The following DSTN variants were observed in gnomAD, a reference collection of about 807,000 sequenced individuals.
DSTN encodes destrin.
Under a neutral mutation model 16.8 loss-of-function variants are expected in DSTN, and 10 were observed. That is an observed-to-expected ratio of 0.60 (90% CI 0.37 to 1.01). The LOEUF is 1.01. Ranked by LOEUF, DSTN falls within the 50% of genes least tolerant of loss-of-function variation. The pLI is 0.01. For missense variants in DSTN, 141 were observed against 196.7 expected (o/e 0.72, Z 1.69); for synonymous variants, 57 against 58.9 (o/e 0.97, Z 0.14).
intron 1 of DSTN, among the ~76,000 whole-genome samples, chr20:17,575,464 A>G (rs906729019): frequency 6.3e-5 from 9 of 141,916 alleles, no homozygotes; most frequent in Non-Finnish European, 9.3e-5. Context: ...TTGTGAAAGC[A>G]TTTTTTTTTT....
In DSTN at chr20:17,591,886, T is replaced by G. The variant is rs574546458; in HGVS notation, c.4-8852T>G. 1.9e-5 allele frequency: 19 copies of G among 985,380 alleles called. No homozygotes were observed. In the South Asian group the frequency reaches 6.6e-4, roughly 34 times the overall value. The allele number at this position is 985,380 out of a possible 1,614,324, so 61.0% of individuals were successfully genotyped here. On this transcript the variant is annotated intron_variant, in intron 1 of 3. Coordinates refer to ENST00000246069, the MANE Select transcript of DSTN (RefSeq NM_006870.4). ...TCTCTGAGATGTTAATAAATTGCAG[T>G]TACTTTAATCATTGTCTTCTTTCCA...
At chr20:17,583,606 T>C (rs1475746429) in intron 1 of DSTN, among the ~76,000 whole-genome samples, 1 of 148,936 alleles carries the variant, frequency 6.7e-6, no homozygotes, top group Non-Finnish European at 1.5e-5. Flanking sequence ...TGACATATTG[T>C]GTGATTCCAT....
intron 1 of DSTN, among the ~76,000 whole-genome samples, chr20:17,598,724 T>G (rs1451012959): frequency 6.6e-6 from 1 of 152,184 alleles, no homozygotes; most frequent in South Asian, 2.1e-4. Context: ...TTCCATTGTT[T>G]AGTATTTAAA....
rs1041053626 is a variant in DSTN at position 17,573,318 on chromosome 20, G to GT, written c.3+3117dup. ...GAAAAAATTAAACTTTGTGGGGGTG[G>GT]TTTTTTTTTTCCCAGGGGAGGGCAG... is the stretch of plus-strand genomic sequence containing the variant. On this transcript the variant is annotated intron_variant, in intron 1 of 3. Coordinates refer to ENST00000246069, the MANE Select transcript of DSTN (RefSeq NM_006870.4). Among the ~76,000 whole-genome samples the GT allele has an allele frequency of 6.6e-3, 974 of 148,646 alleles. 9 individuals carry two copies. The highest frequency in any genetic ancestry group is 0.019 in the African/African-American group (785 of 40,640).
At chr20:17,592,381 G>A (rs991092918) in intron 1 of DSTN, among the ~76,000 whole-genome samples, 6 of 147,418 alleles carry the variant, frequency 4.1e-5, no homozygotes, top group Non-Finnish European at 7.4e-5. Flanking sequence ...AGTGAGCCAT[G>A]ATCACATCAC....
At chr20:17,572,583 A>C (rs1400873305) in intron 1 of DSTN, among the ~76,000 whole-genome samples, 1 of 152,174 alleles carries the variant, frequency 6.6e-6, no homozygotes, top group African/African-American at 2.4e-5. Context: ...ACCTTATCCT[A>C]ATCTGGACTG....
At chr20:17,589,884 T>A (rs886791201) in intron 1 of DSTN, among the ~76,000 whole-genome samples, 5 of 152,182 alleles carry the variant, frequency 3.3e-5, no homozygotes, top group African/African-American at 7.2e-5. Flanking sequence ...TAGAAAAAAA[T>A]TTTTTAATTA....
chr20:17,600,694 A>T (rs755884512), intron 1 of DSTN, 44 bp from the exon 2 acceptor site: 1 of 1,506,782 alleles, frequency 6.6e-7, no homozygotes, highest in Non-Finnish European at 8.9e-7. Flanking sequence ...TGTTTGGCAC[A>T]ATAAAAATTG....
At position 17,580,410 on chromosome 20, in the gene DSTN, T is replaced by C. The variant is rs2035329241; in HGVS notation, c.3+10199T>C. Among the ~76,000 whole-genome samples the C allele has an allele frequency of 3.3e-5, 5 of 152,260 alleles. No individual in the cohort carries two copies. In the South Asian group the frequency reaches 1.0e-3, roughly 32 times the overall value. Reference sequence around the variant, plus strand: ...GGAAGAGACAAAAAAGACAAGATCATTTCAGCTGGTGATAAGTAGTATGAA... The same window carrying C: ...GGAAGAGACAAAAAAGACAAGATCACTTCAGCTGGTGATAAGTAGTATGAA... On this transcript the variant is annotated intron_variant, in intron 1 of 3. Coordinates refer to ENST00000246069, the MANE Select transcript of DSTN (RefSeq NM_006870.4).
At chr20:17,581,246 C>G (rs1234362171) in intron 1 of DSTN, among the ~76,000 whole-genome samples, 1 of 151,962 alleles carries the variant, frequency 6.6e-6, no homozygotes, top group Admixed American at 6.6e-5. Flanking sequence ...TTTGGGAGGC[C>G]GAGGTGAGAG....
intron 1 of DSTN, chr20:17,596,612 A>C (rs2122197971): frequency 1.0e-6 from 1 of 985,208 alleles, no homozygotes; most frequent in Admixed American, 6.1e-5. Context: ...TTCTCTGAAT[A>C]TTTGTAATTG....
chr20:17,584,107 T>C (rs934319040), intron 1 of DSTN, among the ~76,000 whole-genome samples: 1 of 152,134 alleles, frequency 6.6e-6, no homozygotes, highest in Non-Finnish European at 1.5e-5. Flanking sequence ...TGCACAACTT[T>C]GTGACTATAC....
chr20:17,573,593 A>G (rs2035232532), intron 1 of DSTN, among the ~76,000 whole-genome samples: 1 of 152,194 alleles, frequency 6.6e-6, no homozygotes, highest in Non-Finnish European at 1.5e-5. Context: ...GGATTGGAGC[A>G]TACATATTTT....
chr20:17,605,192 G>C (rs1305047290), intron 3 of DSTN: 2 of 456,154 alleles, frequency 4.4e-6, no homozygotes, highest in South Asian at 1.5e-5. Flanking sequence ...GGCCTGGCCA[G>C]ACTTCAGCCA....
intron 1 of DSTN, among the ~76,000 whole-genome samples, chr20:17,595,374 C>T (rs1170647405): frequency 5.3e-5 from 8 of 152,150 alleles, no homozygotes; most frequent in Admixed American, 4.6e-4. Context: ...CTTCCTTCCA[C>T]CTCAAAACTG....
chr20:17,605,156 C>T (rs1315642833), intron 3 of DSTN: 1 of 456,338 alleles, frequency 2.2e-6, no homozygotes. Context: ...TGACTTGCCA[C>T]TGGGTGATTG....
chr20:17,571,726 A>G (rs1157691669), intron 1 of DSTN, among the ~76,000 whole-genome samples: 1 of 152,226 alleles, frequency 6.6e-6, no homozygotes, highest in Non-Finnish European at 1.5e-5. Flanking sequence ...AGTGGCTAAT[A>G]CAGACTTTAT....
intron 1 of DSTN, among the ~76,000 whole-genome samples, chr20:17,576,741 G>C (rs1241184112): frequency 6.6e-6 from 1 of 152,148 alleles, no homozygotes; most frequent in Non-Finnish European, 1.5e-5. Flanking sequence ...TTACTCCTTT[G>C]AACATTTTTA....
At chr20:17,605,825 G>A (rs1237205391) in intron 3 of DSTN, among the ~76,000 whole-genome samples, 3 of 152,140 alleles carry the variant, frequency 2.0e-5, no homozygotes, top group Admixed American at 6.5e-5. Flanking sequence ...GTGGCCGGCT[G>A]GGTGTGGTGG....
Sources: gnomAD v4.1 joint callset for allele counts (sites outside exome capture counted in the v4.1 genomes callset) on GRCh38, gnomAD v4.1.1 for gene constraint, MANE v1.5 for transcripts, NCBI Gene and HGNC (gene_info 2026-07-23, HGNC 2026-07-21) for gene names.